Variants in KIZ observed in about 807,000 individuals in gnomAD.
KIZ encodes kizuna centrosomal protein, also known as centrosomal protein kizuna.
A neutral mutation model predicts 79.6 loss-of-function variants in KIZ; 68 were observed. The observed-to-expected ratio is 0.85, with a 90% CI of 0.70 to 1.05. The LOEUF (loss-of-function observed/expected upper bound fraction) is 1.05, where lower values mean the gene tolerates loss of function less well. KIZ is among the 50% of genes least tolerant of loss of function. KIZ has a pLI of 0.00. For missense variants in KIZ, 797 were observed against 800.4 expected, an observed-to-expected ratio of 1.00 and a Z score of 0.05; for synonymous variants, 280 against 281.8, an observed-to-expected ratio of 0.99 and a Z score of 0.06.
chr20:21,151,426 A>G (rs2033109607), intron 4 of KIZ: 1 of 152,298 alleles, frequency 6.6e-6, no homozygotes, highest in Admixed American at 6.5e-5. Flanking sequence ...AGGCTCTAAC[A>G]AGTGAGAAAA....
chr20:21,126,110 A>T lies in KIZ; in HGVS notation c.-6A>T. On this transcript the variant is annotated 5_prime_UTR_variant, in exon 1 of 13. Transcript: ENST00000619189. ...GGCTGTGCTGAGCTGGCGCAGCGGC[A>T]GCAGCATGAGCCGGACCCTCGCATC... 2 of 1,510,542 alleles carry T rather than the reference A, an allele frequency of 1.3e-6. No homozygotes were observed. Among genetic ancestry groups the T allele is most frequent in the Non-Finnish European group, 1.8e-6 (2 of 1,130,076 alleles). 93.6% of individuals were successfully genotyped at this position (1,510,542 alleles called of 1,614,324 possible).
rs532274140 is a variant in KIZ at position 21,159,405 on chromosome 20, G to A, written c.406-2466G>A. ...TAGTTTTTATTATATTCAGAGTTGC[G>A]CAGCCATAATCACAATCAATGTTAG... On this transcript the variant is annotated intron_variant, in intron 4 of 12. Coordinates refer to ENST00000619189, the MANE Select transcript of KIZ (RefSeq NM_018474.6). Among the ~76,000 whole-genome samples, 7 of 151,728 alleles carry A rather than the reference G, an allele frequency of 4.6e-5. No homozygotes were observed. The East Asian group carries it at 7.7e-4, about 17-fold the overall frequency.
rs76901453 is a variant in KIZ, at chr20:21,131,266, C to T, written c.90-831C>T. 8.9e-3 allele frequency among the ~76,000 whole-genome samples: 1,355 copies of T among 152,314 alleles called. 18 individuals carry two copies. Among genetic ancestry groups the T allele is most frequent in the African/African-American group, 0.031 (1,294 of 41,560 alleles). On this transcript the variant is annotated intron_variant, in intron 1 of 12. Coordinates refer to ENST00000619189, the MANE Select transcript of KIZ (RefSeq NM_018474.6). ...GGTTGTGGGGTAAGACAGGTTTTCT[C>T]CTTAGCTTACTGCTAGCACTCACCT...
At chr20:21,130,229 A>G (rs1264229015) in intron 1 of KIZ, among the ~76,000 whole-genome samples, 2 of 152,182 alleles carry the variant, frequency 1.3e-5, no homozygotes, top group South Asian at 2.1e-4. Context: ...TGTTCCTGAC[A>G]AGTTCATAGA....
At chr20:21,145,248 T>C (rs576725169) in intron 3 of KIZ, among the ~76,000 whole-genome samples, 4 of 152,180 alleles carry the variant, frequency 2.6e-5, no homozygotes, top group Admixed American at 1.3e-4. Flanking sequence ...TGTATTTTTG[T>C]GATAAAGTAT....
intron 3 of KIZ, among the ~76,000 whole-genome samples, chr20:21,141,139 G>C (rs940890975): frequency 6.6e-6 from 1 of 152,132 alleles, no homozygotes; most frequent in Non-Finnish European, 1.5e-5. Context: ...TGCTTTTGTA[G>C]AGGGGGCCCC....
chr20:21,187,210 G>A (rs7266376), intron 6 of KIZ, among the ~76,000 whole-genome samples: 2 of 152,056 alleles, frequency 1.3e-5, no homozygotes, highest in Non-Finnish European at 2.9e-5. Flanking sequence ...TCCTCTAAGG[G>A]TTCAACAGCA....
At chr20:21,150,822 G>A (rs2033082148) in intron 4 of KIZ, 1 of 152,238 alleles carries the variant, frequency 6.6e-6, no homozygotes. Context: ...CCCTGCACCT[G>A]GTGAGTGATG....
intron 10 of KIZ, among the ~76,000 whole-genome samples, chr20:21,230,721 C>T (rs1246849580): frequency 6.6e-6 from 1 of 152,178 alleles, no homozygotes; most frequent in African/African-American, 2.4e-5. Flanking sequence ...GTGATTTGAA[C>T]TCAGCAAACA....
At chr20:21,179,147 A>T (rs780667943) in intron 6 of KIZ, among the ~76,000 whole-genome samples, 14 of 150,418 alleles carry the variant, frequency 9.3e-5, no homozygotes, top group Admixed American at 4.0e-4. Flanking sequence ...AAGTATTGGC[A>T]TTAATTCTTT....
At position 21,162,020 on chromosome 20, in the gene KIZ, C is replaced by G. The variant is rs1306832376; in HGVS notation, c.555C>G (p.Asn185Lys). ...TEHKSPQPTK[N>K]FSIPDPHSHR... ...ACAAATCTCCCCAGCCCACAAAGAA[C>G]TTTTCAATTCCTGACCCACATTCAC... is the stretch of plus-strand genomic sequence containing the variant. Residue 185 changes from asparagine (N) to lysine (K), a missense_variant, in exon 5 of 13, where the codon AAC becomes AAG. Coordinates refer to ENST00000619189, the MANE Select transcript of KIZ (RefSeq NM_018474.6). The G allele has an allele frequency of 1.2e-6, 2 of 1,613,838 alleles. No homozygotes were observed. Among genetic ancestry groups the G allele is most frequent in the African/African-American group, 2.7e-5 (2 of 74,922 alleles).
chr20:21,152,139 G>A (rs1453033723), intron 4 of KIZ, among the ~76,000 whole-genome samples: 1 of 152,200 alleles, frequency 6.6e-6, no homozygotes, highest in Non-Finnish European at 1.5e-5. Context: ...GTTGTCCTGG[G>A]TTTGAAGGAA....
In KIZ at chr20:21,171,571, G is replaced by T. The variant is rs143937771; in HGVS notation, c.1352+8412G>T. On this transcript the variant is annotated intron_variant, in intron 6 of 12. Transcript: ENST00000619189. Reference sequence around the variant, plus strand: ...GGTGATCCTGCCACCTCACCCTCTTGAGTAGCTGGGATTACAGGCGCGTGC... The same window carrying T: ...GGTGATCCTGCCACCTCACCCTCTTTAGTAGCTGGGATTACAGGCGCGTGC... Among the ~76,000 whole-genome samples the T allele has an allele frequency of 1.6e-3, 250 of 152,150 alleles. 1 individual carries two copies. The highest frequency in any genetic ancestry group is 6.0e-3 in the African/African-American group (247 of 41,510).
chr20:21,227,208 A>G (rs1314534782), intron 9 of KIZ, among the ~76,000 whole-genome samples: 1 of 152,142 alleles, frequency 6.6e-6, no homozygotes, highest in Non-Finnish European at 1.5e-5. Flanking sequence ...CCTCAGGACT[A>G]CTAGCTTGAT....
At chr20:21,234,773 TAAA>T (rs537068910) in intron 11 of KIZ, among the ~76,000 whole-genome samples, 10 of 97,186 alleles carry the variant, frequency 1.0e-4, no homozygotes, top group African/African-American at 1.1e-4. Flanking sequence ...CCACTGGACC[TAAA>T]AAAAAAAAAA....
chr20:21,126,837 G>A (rs2031508455), intron 1 of KIZ, among the ~76,000 whole-genome samples: 1 of 152,214 alleles, frequency 6.6e-6, no homozygotes, highest in South Asian at 2.1e-4. Flanking sequence ...AGATCTAAGA[G>A]TGCATATAGA....
chr20:21,162,380 A>G lies in KIZ; in HGVS notation c.915A>G (p.Thr305=), dbSNP rs1190259884. The change falls in exon 5 of 13, where the codon ACA becomes ACG. Residue 305 remains threonine (T), a synonymous_variant. Transcript: ENST00000619189. ...SSSGSEGEIL[T]REHIEVEEKR... Reference sequence around the variant, plus strand: ...GCGGATCAGAGGGAGAAATACTGACACGGGAACATATTGAAGTTGAGGAAA... The same window carrying G: ...GCGGATCAGAGGGAGAAATACTGACGCGGGAACATATTGAAGTTGAGGAAA... 26 of 1,613,912 alleles carry G rather than the reference A, an allele frequency of 1.6e-5. No homozygotes were observed. The highest frequency in any genetic ancestry group is 2.1e-5 in the Non-Finnish European group (25 of 1,179,840).
At chr20:21,201,646 A>C (rs941867154) in intron 6 of KIZ, among the ~76,000 whole-genome samples, 1 of 152,276 alleles carries the variant, frequency 6.6e-6, no homozygotes, top group Non-Finnish European at 1.5e-5. Context: ...TTTCAAGTAC[A>C]TGAAATTAAT....
In KIZ at chr20:21,162,006, CA is replaced by C; in HGVS notation, c.542del (p.Gln181ArgfsTer23). 1 of 1,613,952 alleles carries C rather than the reference CA, an allele frequency of 6.2e-7. No individual in the cohort carries two copies. Among genetic ancestry groups the C allele is most frequent in the Non-Finnish European group, 8.5e-7 (1 of 1,179,864 alleles). On this transcript the variant is annotated frameshift_variant, in exon 5 of 13. Transcript: ENST00000619189. LOFTEE classifies it high-confidence loss of function. ...TTTCAGTACAGAGCACAAATCTCCCCAGCCCACAAAGAACTTTTCAATTCCT... is the reference window on the plus strand; with the variant it reads ...TTTCAGTACAGAGCACAAATCTCCCCGCCCACAAAGAACTTTTCAATTCCT... ...RDFSTEHKSPQPTKNFSIPDP... is the reference protein window; with the variant it reads ...RDFSTEHKSPXPTKNFSIPDP...
Sources: allele counts gnomAD v4.1 joint callset (sites outside exome capture counted in the v4.1 genomes callset), GRCh38; gene constraint gnomAD v4.1.1; transcripts MANE v1.5; gene names NCBI Gene and HGNC (gene_info 2026-07-23, HGNC 2026-07-21).